The following RFWD3 variants were observed in gnomAD, a reference collection of about 807,000 sequenced individuals.
RFWD3 encodes the protein E3 ubiquitin-protein ligase RFWD3.
Under a neutral mutation model 87.7 loss-of-function variants are expected in RFWD3, and 65 were observed. That is an observed-to-expected ratio of 0.74 (90% CI 0.61 to 0.91). RFWD3 has a LOEUF of 0.91. Among genes scored for constraint, RFWD3 ranks in the 40% least tolerant of loss-of-function variants. RFWD3 has a pLI of 0.00. For synonymous variants in RFWD3, 433 were observed against 352.8 expected (o/e 1.23, Z -2.55); for missense variants, 1,078 against 938.5 (o/e 1.15, Z -1.94).
Position 74,623,744 on chromosome 16 carries a change from C to A in RFWD3, c.*184G>T, listed in dbSNP as rs1254944006. The A allele has an allele frequency of 8.6e-6, 5 of 583,698 alleles. No homozygotes were observed. The highest frequency in any genetic ancestry group is 1.5e-5 in the Non-Finnish European group (5 of 335,070). 36.2% of individuals were successfully genotyped at this position (583,698 alleles called of 1,614,324 possible). A position where few individuals can be genotyped will look rare whatever the true frequency, so the allele number is the denominator to read the frequency against. The stretch of plus-strand genomic sequence containing the variant: ...ACCCATCAATTACTCTTTTAGTGGA[C>A]ATAACAGATACACAATCTGTAGTGT... On this transcript the variant is annotated 3_prime_UTR_variant, in exon 13 of 13. Coordinates refer to ENST00000361070, the MANE Select transcript of RFWD3 (RefSeq NM_018124.4).
rs369886677 is a variant in RFWD3 at position 74,632,525 on chromosome 16, G to C, written c.1575C>G (p.Thr525=). ...ACCTACTTCCCCAAATCACTCACCT[G>C]GTCAGTTTAATAGTGTTGTCTAGGG... ...SASLDNTIKL[T]SLETNTVVQT... Residue 525 remains threonine (T), a splice_region_variant and synonymous_variant, in exon 9 of 13, where the codon ACC becomes ACG. Coordinates refer to ENST00000361070, the MANE Select transcript of RFWD3 (RefSeq NM_018124.4). The C allele has an allele frequency of 4.0e-5, 65 of 1,613,770 alleles. No individual in the cohort carries two copies. The highest frequency in any genetic ancestry group is 5.5e-5 in the Non-Finnish European group (65 of 1,179,782).
chr16:74,632,659 T>A lies in RFWD3; in HGVS notation c.1441A>T (p.Met481Leu). The A allele has an allele frequency of 1.2e-6, 2 of 1,614,032 alleles. No individual in the cohort carries two copies. Among genetic ancestry groups the A allele is most frequent in the Non-Finnish European group, 8.5e-7 (1 of 1,179,984 alleles). Reference protein sequence around the residue: ...ASFLPGFGVKMLSTANMKSSQ... With the variant: ...ASFLPGFGVKLLSTANMKSSQ... Reference sequence around the variant, plus strand: ...CTCTTCATGTTGGCAGTACTCAACATCTTAACACCAAAGCCTGAAAAAGGC... The same window carrying A: ...CTCTTCATGTTGGCAGTACTCAACAACTTAACACCAAAGCCTGAAAAAGGC... The change falls in exon 9 of 13, where the codon ATG (methionine) becomes TTG (leucine). Residue 481 changes from methionine (M) to leucine (L), a missense_variant. Coordinates refer to ENST00000361070, the MANE Select transcript of RFWD3 (RefSeq NM_018124.4).
At chr16:74,666,463 G>C (rs1481119524) in intron 1 of RFWD3, 2 of 152,240 alleles carry the variant, frequency 1.3e-5, no homozygotes, top group East Asian at 1.9e-4. Flanking sequence ...CTAGGCTCTC[G>C]GGGGAAGGGC....
intron 12 of RFWD3, 51 bp downstream of exon 12, chr16:74,626,292 A>T (rs1424155712): frequency 6.5e-7 from 1 of 1,545,490 alleles, no homozygotes; most frequent in Non-Finnish European, 8.9e-7. Flanking sequence ...CCTTACCAAT[A>T]TTTTAAGCAA....
chr16:74,661,445 G>A lies in RFWD3; in HGVS notation c.5C>T (p.Ala2Val). The part of the protein sequence containing the change: M[A>V]HEAMEYDVQV... ...AACATCATATTCCATTGCTTCATGA[G>A]CCATCACTAGAGAAACAGTATTTGT... Residue 2 changes from alanine to valine, a missense_variant, in exon 2 of 13, where the codon GCT becomes GTT. Coordinates refer to ENST00000361070, the MANE Select transcript of RFWD3 (RefSeq NM_018124.4). 2 of 1,603,128 alleles carry A rather than the reference G, an allele frequency of 1.2e-6. No individual in the cohort carries two copies. The highest frequency in any genetic ancestry group is 2.2e-5 in the East Asian group (1 of 44,824).
chr16:74,636,997 G>A (rs970406834), intron 7 of RFWD3, among the ~76,000 whole-genome samples: 6 of 151,914 alleles, frequency 3.9e-5, no homozygotes, highest in Non-Finnish European at 8.8e-5. Flanking sequence ...ACAGGCGTGA[G>A]CCACCGCGCC....
chr16:74,632,727 T>C lies in RFWD3; in HGVS notation c.1427-54A>G, dbSNP rs1959140657. ...ATCACTGAAAGTGAACCTAGGGCAA[T>C]TCAAACTAGTTTTTCAAGTAGCTCC... On this transcript the variant is annotated intron_variant, in intron 8 of 12. Coordinates refer to ENST00000361070, the MANE Select transcript of RFWD3 (RefSeq NM_018124.4). 1.2e-5 allele frequency: 18 copies of C among 1,558,942 alleles called. No homozygotes were observed. In the East Asian group the frequency reaches 4.1e-4, roughly 36 times the overall value.
intron 7 of RFWD3, among the ~76,000 whole-genome samples, chr16:74,637,244 T>C (rs1236099007): frequency 1.3e-5 from 2 of 151,766 alleles, no homozygotes; most frequent in East Asian, 3.9e-4. Context: ...AAACTCCTGG[T>C]AAAGCCCTCA....
intron 6 of RFWD3, among the ~76,000 whole-genome samples, chr16:74,642,844 T>C (rs1056973218): frequency 6.6e-6 from 1 of 152,212 alleles, no homozygotes. Context: ...TAAGATTTGA[T>C]AAAATTGGGT....
chr16:74,658,661 T>A (rs1961185863), intron 2 of RFWD3, among the ~76,000 whole-genome samples: 1 of 152,216 alleles, frequency 6.6e-6, no homozygotes, highest in Non-Finnish European at 1.5e-5. Flanking sequence ...TCCTGACCGT[T>A]TAGGTTATTC....
chr16:74,632,218 G>A (rs1012044589), intron 9 of RFWD3, among the ~76,000 whole-genome samples: 11 of 151,656 alleles, frequency 7.3e-5, no homozygotes, highest in Non-Finnish European at 1.5e-4. Context: ...GTGAAACCCC[G>A]TCTCTACTAC....
At chr16:74,646,207 C>T (rs8052923) in intron 4 of RFWD3, among the ~76,000 whole-genome samples, 108,353 of 151,848 alleles carry the variant, frequency 0.71, 39,273 homozygotes, top group African/African-American at 0.84. Flanking sequence ...AGACCTTGTC[C>T]CTGTTAAAAA....
At chr16:74,633,590 G>A (rs1207238062) in intron 8 of RFWD3, among the ~76,000 whole-genome samples, 1 of 152,140 alleles carries the variant, frequency 6.6e-6, no homozygotes, top group Non-Finnish European at 1.5e-5. Context: ...AGTGACTGCT[G>A]GGGATGGGAG....
intron 12 of RFWD3, among the ~76,000 whole-genome samples, chr16:74,626,037 T>C (rs1169757281): frequency 1.3e-5 from 2 of 152,014 alleles, no homozygotes; most frequent in Admixed American, 1.3e-4. Context: ...AATACAAAAA[T>C]CAGTCGGGCA....
At chr16:74,631,636 A>G (rs775613829) in intron 9 of RFWD3, among the ~76,000 whole-genome samples, 1 of 152,212 alleles carries the variant, frequency 6.6e-6, no homozygotes, top group Non-Finnish European at 1.5e-5. Flanking sequence ...TAAGGGTATA[A>G]AAGAAGTCAT....
chr16:74,627,635 T>C (rs1958975424), intron 11 of RFWD3, among the ~76,000 whole-genome samples: 3 of 152,186 alleles, frequency 2.0e-5, no homozygotes, highest in Admixed American at 2.0e-4. Flanking sequence ...TCAAGGGAAA[T>C]GAACTAGACA....
chr16:74,644,125 T>C (rs1467442934), intron 6 of RFWD3: 1 of 562,514 alleles, frequency 1.8e-6, no homozygotes, highest in African/African-American at 1.9e-5. Flanking sequence ...ACAGAAGTAA[T>C]GTGCCAGATC....
In RFWD3 at chr16:74,656,308, CAAAAAAAAAAA is replaced by C. The variant is rs71158534; in HGVS notation, c.519-4197_519-4187del. On this transcript the variant is annotated intron_variant, in intron 2 of 12. Coordinates refer to ENST00000361070, the MANE Select transcript of RFWD3 (RefSeq NM_018124.4). ...GCAACAGAGTGAGACCTTGTCTTGC[CAAAAAAAAAAA>C]AAAAAAAAAAAAGAAAAGAAAAGAA... Among the ~76,000 whole-genome samples, 351 of 64,236 alleles carry C rather than the reference CAAAAAAAAAAA, an allele frequency of 5.5e-3. 2 individuals are homozygous for C. Among genetic ancestry groups the C allele is most frequent in the African/African-American group, 0.026 (341 of 13,232 alleles). The allele number at this position is 64,236 out of a possible 152,430, so 42.1% of individuals were successfully genotyped here. A position where few individuals can be genotyped will look rare whatever the true frequency, so the allele number is the denominator to read the frequency against.
At position 74,632,658 on chromosome 16, in the gene RFWD3, A is replaced by T. The variant is rs756470042; in HGVS notation, c.1442T>A (p.Met481Lys). 6 of 1,614,144 alleles carry T rather than the reference A, an allele frequency of 3.7e-6. No individual in the cohort carries two copies. The highest frequency in any genetic ancestry group is 5.1e-6 in the Non-Finnish European group (6 of 1,179,998). The change falls in exon 9 of 13, where the codon ATG becomes AAG. Residue 481 changes from methionine (M) to lysine (K), a missense_variant. By Grantham distance (95) the Met-to-Lys change is moderately conservative. Transcript: ENST00000361070. Reference protein sequence around the residue: ...ASFLPGFGVKMLSTANMKSSQ... With the variant: ...ASFLPGFGVKKLSTANMKSSQ... ...GCTCTTCATGTTGGCAGTACTCAAC[A>T]TCTTAACACCAAAGCCTGAAAAAGG...
Sources: allele counts gnomAD v4.1 joint callset (sites outside exome capture counted in the v4.1 genomes callset), GRCh38; gene constraint gnomAD v4.1.1; transcripts MANE v1.5; gene names NCBI Gene and HGNC (gene_info 2026-07-23, HGNC 2026-07-21).